IFT52: variants seen among roughly 807,000 people sequenced by gnomAD.
IFT52 encodes intraflagellar transport protein 52 homolog.
IFT52 carries 44 observed loss-of-function variants against 54.4 expected under a neutral mutation model. That is an observed-to-expected ratio of 0.81 (90% CI 0.63 to 1.04). The LOEUF is 1.04. IFT52 is among the 50% of genes least tolerant of loss of function. The pLI, the probability that IFT52 is intolerant of heterozygous loss-of-function variation, is 0.00. For synonymous variants in IFT52, 181 were observed against 185.3 expected (o/e 0.98, Z 0.19); for missense variants, 452 against 523.6 (o/e 0.86, Z 1.33).
intron 6 of IFT52, among the ~76,000 whole-genome samples, chr20:43,607,497 G>A (rs1379229896): frequency 5.3e-5 from 8 of 151,424 alleles, no homozygotes; most frequent in African/African-American, 1.5e-4. Flanking sequence ...AGACGGGGTC[G>A]TGGCCGGGCA....
rs552311502 is a variant in IFT52 at position 43,595,174 on chromosome 20, G to A, written c.119+357G>A. ...ACTAAAAATTAAAAAAAAAATTAGCGAAGTGTGGTGGTGGGCGCCTGTAAT... is the reference window on the plus strand; with the variant it reads ...ACTAAAAATTAAAAAAAAAATTAGCAAAGTGTGGTGGTGGGCGCCTGTAAT... On this transcript the variant is annotated intron_variant, in intron 2 of 13. Coordinates refer to ENST00000373030, the MANE Select transcript of IFT52 (RefSeq NM_016004.5). Among the ~76,000 whole-genome samples the A allele has an allele frequency of 1.8e-3, 266 of 151,964 alleles. 1 individual carries two copies. The highest frequency in any genetic ancestry group is 5.7e-3 in the African/African-American group (236 of 41,476).
chr20:43,596,543 A>G (rs1981975381), intron 3 of IFT52, 21 bp downstream of exon 3: 2 of 1,473,910 alleles, frequency 1.4e-6, no homozygotes, highest in Non-Finnish European at 1.9e-6. Flanking sequence ...TCCACTAAAG[A>G]AGGAATATGG....
intron 12 of IFT52, among the ~76,000 whole-genome samples, chr20:43,641,774 G>A (rs901390053): frequency 2.6e-5 from 4 of 151,978 alleles, no homozygotes; most frequent in Admixed American, 2.0e-4. Context: ...GATTACAGGC[G>A]TGAGCCTTCA....
chr20:43,597,188 A>G (rs925568656), intron 3 of IFT52, among the ~76,000 whole-genome samples: 3 of 151,942 alleles, frequency 2.0e-5, no homozygotes, highest in East Asian at 2.0e-4. Context: ...CCTGACCAAC[A>G]TGGAGAAACC....
intron 10 of IFT52, among the ~76,000 whole-genome samples, chr20:43,627,777 A>G (rs1280171024): frequency 2.6e-5 from 4 of 152,014 alleles, no homozygotes; most frequent in Non-Finnish European, 5.9e-5. Context: ...ACTCTTGCCC[A>G]GGCTGGTCTG....
At chr20:43,615,306 G>A (rs1254539043) in intron 7 of IFT52, among the ~76,000 whole-genome samples, 1 of 151,952 alleles carries the variant, frequency 6.6e-6, no homozygotes, top group Admixed American at 6.6e-5. Context: ...GCCTCCCAAA[G>A]TGCTGGGATT....
intron 7 of IFT52, among the ~76,000 whole-genome samples, chr20:43,617,188 T>A (rs1229749872): frequency 1.3e-5 from 2 of 152,230 alleles, no homozygotes; most frequent in Admixed American, 1.3e-4. Context: ...TTTTTGTGAC[T>A]ATAACTACAC....
intron 9 of IFT52, among the ~76,000 whole-genome samples, chr20:43,623,460 T>A (rs1339599488): frequency 6.6e-6 from 1 of 152,152 alleles, no homozygotes; most frequent in Non-Finnish European, 1.5e-5. Flanking sequence ...GTGTTGTAGG[T>A]GTGAGCCACT....
chr20:43,610,591 T>C (rs1232723303), intron 6 of IFT52, among the ~76,000 whole-genome samples: 1 of 151,428 alleles, frequency 6.6e-6, no homozygotes, highest in Non-Finnish European at 1.5e-5. Flanking sequence ...AAAACAAAAT[T>C]AGCCAGGCGT....
chr20:43,623,133 A>G (rs1020349004), intron 9 of IFT52, among the ~76,000 whole-genome samples: 1 of 152,052 alleles, frequency 6.6e-6, no homozygotes, highest in Admixed American at 6.6e-5. Context: ...GATTTCCTCT[A>G]TTTTCTTACT....
At chr20:43,630,565 A>G (rs1985085817) in intron 10 of IFT52, among the ~76,000 whole-genome samples, 1 of 152,196 alleles carries the variant, frequency 6.6e-6, no homozygotes, top group Non-Finnish European at 1.5e-5. Flanking sequence ...TATGTCAACT[A>G]CAGGGTGTTG....
At chr20:43,592,213 C>T (rs930161129) in intron 1 of IFT52, among the ~76,000 whole-genome samples, 3 of 152,084 alleles carry the variant, frequency 2.0e-5, no homozygotes, top group Non-Finnish European at 4.4e-5. Context: ...CCTGTAATCC[C>T]AGCTACTGGG....
intron 12 of IFT52, among the ~76,000 whole-genome samples, chr20:43,638,528 C>T (rs529277776): frequency 2.3e-4 from 35 of 152,128 alleles, no homozygotes; most frequent in African/African-American, 7.9e-4. Context: ...ACAATAAACT[C>T]GGGAGGCTGA....
intron 12 of IFT52, among the ~76,000 whole-genome samples, chr20:43,639,380 A>C (rs973268334): frequency 1.4e-5 from 2 of 142,958 alleles, no homozygotes; most frequent in African/African-American, 5.9e-5. Context: ...TCAAAAAAAC[A>C]AAAAAAAAGG....
In IFT52 at chr20:43,642,572, A is replaced by G. The variant is rs750583778; in HGVS notation, c.1214A>G (p.His405Arg). Residue 405 changes from histidine (H) to arginine (R), a missense_variant, in exon 13 of 14, where the codon CAT becomes CGT. Physicochemically the swap from His to Arg is conservative, Grantham distance 29. Transcript: ENST00000373030. The stretch of plus-strand genomic sequence containing the variant: ...CCAAAGGACCAACAGGATGCCAAAC[A>G]TATCCTTGAGCACGTCTTCTTCCAA... ...KLPKDQQDAK[H>R]ILEHVFFQVV... 3.9e-5 allele frequency: 63 copies of G among 1,614,082 alleles called. No homozygotes were observed. The highest frequency in any genetic ancestry group is 4.7e-5 in the Non-Finnish European group (56 of 1,180,042).
At position 43,609,460 on chromosome 20, in the gene IFT52, A is replaced by G. The variant is rs563309371; in HGVS notation, c.485+4387A>G. ...CCCCAAAATGTATTCTGGATAGGCT[A>G]AAATTTTTAATATTAAAAATGAAAG... On this transcript the variant is annotated intron_variant, in intron 6 of 13. Coordinates refer to ENST00000373030, the MANE Select transcript of IFT52 (RefSeq NM_016004.5). Among the ~76,000 whole-genome samples the G allele has an allele frequency of 8.5e-5, 13 of 152,258 alleles. No individual in the cohort carries two copies. In the South Asian group the frequency reaches 2.3e-3, roughly 27 times the overall value.
At chr20:43,610,622 C>T (rs1485213706) in intron 6 of IFT52, among the ~76,000 whole-genome samples, 1 of 151,794 alleles carries the variant, frequency 6.6e-6, no homozygotes, top group Non-Finnish European at 1.5e-5. Flanking sequence ...ACCTGTAGTC[C>T]CAACTACTCG....
At chr20:43,641,391 A>G (rs1985911671) in intron 12 of IFT52, among the ~76,000 whole-genome samples, 1 of 151,734 alleles carries the variant, frequency 6.6e-6, no homozygotes, top group Non-Finnish European at 1.5e-5. Flanking sequence ...GGCATGCACC[A>G]CCACGCCCGG....
Position 43,623,932 on chromosome 20 carries a change from A to G in IFT52, c.810A>G (p.Ser270=), listed in dbSNP as rs1984528919. The G allele has an allele frequency of 6.2e-7, 1 of 1,614,172 alleles. No homozygotes were observed. The highest frequency in any genetic ancestry group is 2.2e-5 in the East Asian group (1 of 44,884). ...YMMLPYTATL[S]KRNRECLQES... Reference sequence around the variant, plus strand: ...TGCTGCCCTACACAGCCACCCTATCAAAGCGGAATCGAGAGTGTCTCCAGG... The same window carrying G: ...TGCTGCCCTACACAGCCACCCTATCGAAGCGGAATCGAGAGTGTCTCCAGG... The change falls in exon 10 of 14, where the codon TCA becomes TCG. Residue 270 remains serine (S), a synonymous_variant. Transcript: ENST00000373030.
Sources: allele counts gnomAD v4.1 joint callset (sites outside exome capture counted in the v4.1 genomes callset), GRCh38; gene constraint gnomAD v4.1.1; transcripts MANE v1.5; gene names NCBI Gene and HGNC (gene_info 2026-07-23, HGNC 2026-07-21).